GALNTL6: variants seen among roughly 807,000 people sequenced by gnomAD.
GALNTL6 encodes polypeptide N-acetylgalactosaminyltransferase-like 6.
A neutral mutation model predicts 73.7 loss-of-function variants in GALNTL6; 46 were observed. The ratio of observed to expected loss-of-function variants is 0.62; its 90% CI spans 0.49 to 0.80. The LOEUF (loss-of-function observed/expected upper bound fraction) is 0.80, where lower values mean the gene tolerates loss of function less well. Among genes scored for constraint, GALNTL6 ranks in the 30% least tolerant of loss-of-function variants. GALNTL6 has a pLI of 0.00. For missense variants in GALNTL6, 604 were observed against 755.0 expected, an observed-to-expected ratio of 0.80 and a Z score of 2.34; for synonymous variants, 259 against 263.7, an observed-to-expected ratio of 0.98 and a Z score of 0.17.
chr4:172,221,426 T>C, intron 2 of GALNTL6, among the ~76,000 whole-genome samples: 1 of 151,786 alleles, frequency 6.6e-6, no homozygotes, highest in South Asian at 2.1e-4. Context: ...CCATGAGTGT[T>C]TGAATAACCA....
At chr4:172,292,170 A>G (rs896724068) in intron 3 of GALNTL6, among the ~76,000 whole-genome samples, 9 of 152,084 alleles carry the variant, frequency 5.9e-5, no homozygotes, top group Non-Finnish European at 4.4e-5. Flanking sequence ...TACACCTCTC[A>G]GGTACTTTCA....
intron 2 of GALNTL6, among the ~76,000 whole-genome samples, chr4:172,001,182 T>C (rs1740661830): frequency 6.6e-6 from 1 of 152,190 alleles, no homozygotes; most frequent in Non-Finnish European, 1.5e-5. Context: ...CAGAAGATAT[T>C]ATTTTTAGAA....
At chr4:172,223,781 T>A (rs1215670194) in intron 2 of GALNTL6, among the ~76,000 whole-genome samples, 1 of 152,138 alleles carries the variant, frequency 6.6e-6, no homozygotes, top group Non-Finnish European at 1.5e-5. Flanking sequence ...ATGTAAACCT[T>A]TCTAAACACT....
intron 5 of GALNTL6, among the ~76,000 whole-genome samples, chr4:172,625,229 T>C (rs1226961363): frequency 6.6e-6 from 1 of 152,044 alleles, no homozygotes; most frequent in Non-Finnish European, 1.5e-5. Context: ...CATTTCTCAT[T>C]ATCTACTGTT....
At chr4:172,635,130 C>T (rs531738817) in intron 5 of GALNTL6, among the ~76,000 whole-genome samples, 1 of 152,252 alleles carries the variant, frequency 6.6e-6, no homozygotes, top group South Asian at 2.1e-4. Context: ...AAATCAGTAT[C>T]ACACTTTAGA....
At chr4:172,291,711 C>T (rs1036734810) in intron 3 of GALNTL6, among the ~76,000 whole-genome samples, 2 of 151,860 alleles carry the variant, frequency 1.3e-5, no homozygotes, top group Non-Finnish European at 1.5e-5. Context: ...GGCCATATCA[C>T]GCTTATCCCG....
intron 2 of GALNTL6, among the ~76,000 whole-genome samples, chr4:171,905,321 C>CTTTTTT (rs1340333010): frequency 9.9e-5 from 15 of 151,820 alleles, no homozygotes; most frequent in African/African-American, 3.2e-4. Flanking sequence ...AAATGGAAAA[C>CTTTTTT]TAAAAAAGGC....
At chr4:172,471,277 A>G (rs1229785729) in intron 5 of GALNTL6, among the ~76,000 whole-genome samples, 1 of 152,172 alleles carries the variant, frequency 6.6e-6, no homozygotes, top group African/African-American at 2.4e-5. Flanking sequence ...CCAATTCCAG[A>G]GTTCTATCTT....
intron 8 of GALNTL6, among the ~76,000 whole-genome samples, chr4:172,897,663 G>T (rs1404193668): frequency 1.3e-5 from 2 of 152,152 alleles, no homozygotes; most frequent in Non-Finnish European, 2.9e-5. Flanking sequence ...GTTGGTGTTG[G>T]TCCACACTAT....
intron 5 of GALNTL6, among the ~76,000 whole-genome samples, chr4:172,349,620 G>A (rs995768807): frequency 6.6e-6 from 1 of 151,916 alleles, no homozygotes; most frequent in African/African-American, 2.4e-5. Flanking sequence ...CTTTGACAGA[G>A]GTAGTCAGTT....
At chr4:172,433,653 C>G (rs578109665) in intron 5 of GALNTL6, among the ~76,000 whole-genome samples, 1 of 152,094 alleles carries the variant, frequency 6.6e-6, no homozygotes, top group Non-Finnish European at 1.5e-5. Flanking sequence ...TCCCCATCTA[C>G]TCTTCATTCC....
chr4:172,224,936 T>G (rs1336170172), intron 2 of GALNTL6, among the ~76,000 whole-genome samples: 1 of 152,178 alleles, frequency 6.6e-6, no homozygotes, highest in African/African-American at 2.4e-5. Context: ...TTCTACTTAA[T>G]GGATTCTGTC....
chr4:171,921,754 G>A (rs1309737421), intron 2 of GALNTL6, among the ~76,000 whole-genome samples: 4 of 151,970 alleles, frequency 2.6e-5, no homozygotes, highest in Non-Finnish European at 4.4e-5. Flanking sequence ...AGATACCCCT[G>A]ACAAGTAGTT....
At chr4:172,749,722 T>A (rs13146845) in intron 5 of GALNTL6, among the ~76,000 whole-genome samples, 145,632 of 151,642 alleles carry the variant, frequency 0.96, 70,201 homozygotes, top group East Asian at 1. Flanking sequence ...ATTTCATACT[T>A]GATAGCTTTA....
intron 2 of GALNTL6, among the ~76,000 whole-genome samples, chr4:171,985,428 C>T (rs1260893811): frequency 6.6e-6 from 1 of 152,164 alleles, no homozygotes; most frequent in Non-Finnish European, 1.5e-5. Flanking sequence ...CAGGTCCCTC[C>T]CACAACATGT....
chr4:172,251,061 G>T (rs1737849427), intron 3 of GALNTL6, among the ~76,000 whole-genome samples: 1 of 152,066 alleles, frequency 6.6e-6, no homozygotes, highest in Non-Finnish European at 1.5e-5. Flanking sequence ...AAATCAACAG[G>T]ATGTGTATAT....
intron 7 of GALNTL6, among the ~76,000 whole-genome samples, chr4:172,820,244 C>T (rs568203445): frequency 3.3e-5 from 5 of 152,274 alleles, no homozygotes; most frequent in Non-Finnish European, 5.9e-5. Flanking sequence ...GAGATAACAA[C>T]AGATTGAGGA....
At chr4:171,907,798 T>A (rs1180772999) in intron 2 of GALNTL6, among the ~76,000 whole-genome samples, 1 of 151,482 alleles carries the variant, frequency 6.6e-6, no homozygotes, top group Non-Finnish European at 1.5e-5. Context: ...AAAACAGAGA[T>A]ATAGATCAAT....
At chr4:172,358,856 T>TAAAAAAA (rs1742258194) in intron 5 of GALNTL6, among the ~76,000 whole-genome samples, 3 of 9,350 alleles carry the variant, frequency 3.2e-4, no homozygotes, top group Admixed American at 1.2e-3. Context: ...TATTAAAAAG[T>TAAAAAAA]CAAAAAAAAA....
Sources: allele counts gnomAD v4.1 joint callset (sites outside exome capture counted in the v4.1 genomes callset), GRCh38; gene constraint gnomAD v4.1.1; transcripts MANE v1.5; gene names NCBI Gene and HGNC (gene_info 2026-07-23, HGNC 2026-07-21).